POU6F1: variants seen among roughly 807,000 people sequenced by gnomAD.
POU6F1 encodes POU domain, class 6, transcription factor 1.
Under a neutral mutation model 28.9 loss-of-function variants are expected in POU6F1, and 9 were observed. That is an observed-to-expected ratio of 0.31 (90% CI 0.19 to 0.54). The LOEUF is 0.54. Among genes scored for constraint, POU6F1 ranks in the 20% least tolerant of loss-of-function variants. The pLI is 0.94. For missense variants in POU6F1, 338 were observed against 426.1 expected, an observed-to-expected ratio of 0.79 and a Z score of 1.82; for synonymous variants, 173 against 171.1, an observed-to-expected ratio of 1.01 and a Z score of -0.09.
At chr12:51,192,821 C>T (rs57937070) in intron 8 of POU6F1, among the ~76,000 whole-genome samples, 14,559 of 151,796 alleles carry the variant, frequency 0.096, 857 homozygotes, top group Admixed American at 0.19. Context: ...AGGAGAATTG[C>T]TTGAACCTGG....
Position 51,198,586 on chromosome 12 carries a change from C to T in POU6F1, c.556G>A (p.Gly186Arg), listed in dbSNP as rs1387944125. The T allele has an allele frequency of 2.5e-6, 1 of 399,136 alleles. No individual in the cohort carries two copies. The highest frequency in any genetic ancestry group is 4.4e-5 in the Admixed American group (1 of 22,720). 24.7% of individuals were successfully genotyped at this position (399,136 alleles called of 1,614,324 possible). Residue 186 changes from glycine to arginine, a missense_variant, in exon 5 of 11, where the codon GGG becomes AGG. Gly to Arg is a moderately radical substitution (Grantham distance 125). This residue lies in a region of POU6F1 where 206 missense variants were observed against 225.6 expected (regional missense o/e 0.91). Transcript: ENST00000333640. The stretch of plus-strand genomic sequence containing the variant: ...GCTAAAGGTGGCTTGAACACTCCCC[C>T]CGTAGGAGAAGCAGCGGTCAGTCCT... ...LPGLTAASPTGGVFKPPLAGL... is the reference protein window; with the variant it reads ...LPGLTAASPTRGVFKPPLAGL...
chr12:51,197,284 G>C (rs1277320126), intron 6 of POU6F1, among the ~76,000 whole-genome samples: 1 of 152,112 alleles, frequency 6.6e-6, no homozygotes, highest in East Asian at 1.9e-4. Flanking sequence ...GGGGTCAGCA[G>C]GGAAGGGCAG....
intron 8 of POU6F1, among the ~76,000 whole-genome samples, chr12:51,194,720 T>C (rs1267721175): frequency 6.6e-6 from 1 of 152,052 alleles, no homozygotes; most frequent in African/African-American, 2.4e-5. Context: ...CCTACTACCT[T>C]ACCTGATAAT....
intron 1 of POU6F1, 82 bp from the exon 2 acceptor site, chr12:51,206,965 G>T: frequency 2.6e-6 from 1 of 378,758 alleles, no homozygotes; most frequent in Non-Finnish European, 4.7e-6. Flanking sequence ...AGTCAGAATA[G>T]AATCACAGAA....
chr12:51,211,614 G>A (rs1373158329), intron 1 of POU6F1, among the ~76,000 whole-genome samples: 1 of 152,132 alleles, frequency 6.6e-6, no homozygotes, highest in Non-Finnish European at 1.5e-5. Context: ...CTAGCCAGGT[G>A]TAGTGGTACA....
rs755891944 is a variant in POU6F1 at position 51,190,466 on chromosome 12, G to A, written c.1617C>T (p.Gly539=). The A allele has an allele frequency of 1.3e-5, 21 of 1,613,988 alleles. No individual in the cohort carries two copies. Among genetic ancestry groups the A allele is most frequent in the East Asian group, 2.2e-5 (1 of 44,888 alleles). ...GGCGTTTGCGTTTCTTGGAGGGCTC[G>A]CCTCCCACAAACTCCATCAGGTTCT... ...GQQNLMEFVG[G]EPSKKRKRRT... is the part of the protein sequence containing the mutation. Residue 539 remains glycine (G), a synonymous_variant, in exon 11 of 11, where the codon GGC becomes GGT. Coordinates refer to ENST00000333640, the MANE Select transcript of POU6F1 (RefSeq NM_001330422.2). The surrounding 1 kb of genome is among the most constrained non-coding windows in gnomAD (Gnocchi z 4.5).
chr12:51,216,881 G>T (rs1944313358), intron 1 of POU6F1, among the ~76,000 whole-genome samples: 1 of 152,174 alleles, frequency 6.6e-6, no homozygotes. Context: ...GCTTCCAGTC[G>T]GGCTGAGTGG....
intron 7 of POU6F1, 44 bp from the exon 8 acceptor site, chr12:51,196,217 C>A: frequency 7.1e-7 from 1 of 1,407,888 alleles, no homozygotes; most frequent in Non-Finnish European, 9.4e-7. Context: ...AGGGTAGCAT[C>A]CAGCTCCACC....
chr12:51,202,805 T>C (rs1943317733), intron 3 of POU6F1, among the ~76,000 whole-genome samples: 1 of 152,162 alleles, frequency 6.6e-6, no homozygotes, highest in Non-Finnish European at 1.5e-5. Flanking sequence ...TGAAATTACG[T>C]GGTGGTGTCA....
At chr12:51,212,163 G>A (rs1176578804) in intron 1 of POU6F1, among the ~76,000 whole-genome samples, 2 of 151,672 alleles carry the variant, frequency 1.3e-5, no homozygotes, top group Non-Finnish European at 1.5e-5. Flanking sequence ...GCACAATCTC[G>A]GCTCACCGCA....
chr12:51,195,253 C>A (rs1269072323), intron 8 of POU6F1, among the ~76,000 whole-genome samples: 1 of 152,184 alleles, frequency 6.6e-6, no homozygotes, highest in African/African-American at 2.4e-5. Context: ...TCCGCCTTAG[C>A]CTCCTGAGTA....
chr12:51,196,967 T>TTCTTCTCACCCCTTG, intron 6 of POU6F1, 40 bp from the exon 7 acceptor site: 1 of 1,248,488 alleles, frequency 8.0e-7, no homozygotes, highest in Non-Finnish European at 1.2e-6. Flanking sequence ...AGCCAAGGGG[T>TTCTTCTCACCCCTTG]GAGAAGAACC....
chr12:51,206,164 C>T (rs1420322126), intron 2 of POU6F1, among the ~76,000 whole-genome samples: 2 of 149,896 alleles, frequency 1.3e-5, no homozygotes, highest in East Asian at 2.1e-4. Context: ...TGGCTCACGC[C>T]TGTAATTCCA....
chr12:51,202,803 C>T (rs966449217), intron 3 of POU6F1, among the ~76,000 whole-genome samples: 3 of 152,142 alleles, frequency 2.0e-5, no homozygotes, highest in African/African-American at 7.2e-5. Flanking sequence ...CATGAAATTA[C>T]GTGGTGGTGT....
At chr12:51,198,236 A>G (rs899631162) in intron 5 of POU6F1, 4 of 396,192 alleles carry the variant, frequency 1.0e-5, no homozygotes, top group African/African-American at 8.2e-5. Flanking sequence ...TAGGTTCAAG[A>G]ACCAGACGTT....
intron 1 of POU6F1, among the ~76,000 whole-genome samples, chr12:51,212,585 A>G (rs1944065318): frequency 6.7e-6 from 1 of 149,932 alleles, no homozygotes; most frequent in African/African-American, 2.4e-5. Flanking sequence ...GTTCGAGACC[A>G]GTCTGATCAA....
At chr12:51,198,300 G>C (rs915682133) in intron 5 of POU6F1, 13 of 396,014 alleles carry the variant, frequency 3.3e-5, no homozygotes, top group Admixed American at 8.8e-5. Context: ...GTTCTGGCGT[G>C]GGGGGAGAGG....
intron 2 of POU6F1, 27 bp downstream of exon 2, chr12:51,206,762 C>T: frequency 2.5e-6 from 1 of 393,020 alleles, no homozygotes; most frequent in Non-Finnish European, 4.4e-6. Flanking sequence ...TCACCCTTAC[C>T]CCCCCACTTC....
chr12:51,213,293 A>C (rs1944123771), intron 1 of POU6F1, among the ~76,000 whole-genome samples: 1 of 152,084 alleles, frequency 6.6e-6, no homozygotes, highest in Non-Finnish European at 1.5e-5. Flanking sequence ...TCAGACATGA[A>C]ATTTTATGTA....
Sources: gnomAD v4.1 joint callset for allele counts (sites outside exome capture counted in the v4.1 genomes callset) on GRCh38, gnomAD v4.1.1 for gene constraint, gnomAD v4.1.1 regional missense constraint, Gnocchi (gnomAD v3.1) non-coding constraint, MANE v1.5 for transcripts, NCBI Gene and HGNC (gene_info 2026-07-23, HGNC 2026-07-21) for gene names.